TRPM3: variants seen among roughly 807,000 people sequenced by gnomAD.
The protein encoded by TRPM3 is transient receptor potential cation channel subfamily M member 3.
A neutral mutation model predicts 181.2 loss-of-function variants in TRPM3; 77 were observed. The observed-to-expected ratio is 0.42, with a 90% CI of 0.35 to 0.51. The LOEUF (loss-of-function observed/expected upper bound fraction) is 0.51. Ranked by LOEUF, TRPM3 falls within the 20% of genes least tolerant of loss-of-function variation. The pLI is 0.01. For missense variants in TRPM3, 1,759 were observed against 2,196.7 expected (o/e 0.80, Z 3.98); for synonymous variants, 745 against 796.4 (o/e 0.94, Z 1.09).
At position 71,238,163 on chromosome 9, in the gene TRPM3, A is replaced by G. The variant is rs1038194002; in HGVS notation, c.183+208490T>C. Among the ~76,000 whole-genome samples the G allele has an allele frequency of 2.6e-5, 4 of 152,254 alleles. No individual in the cohort carries two copies. The East Asian group carries it at 7.7e-4, about 29-fold the overall frequency. ...TTTTTTTTCTATGAAAAAACGCAGC[A>G]TTATTAAATTATTAGGACATCCATT... On this transcript the variant is annotated intron_variant, in intron 1 of 24. Transcript: ENST00000357533.
chr9:71,416,152 G>T (rs1173995715), intron 1 of TRPM3, among the ~76,000 whole-genome samples: 1 of 151,702 alleles, frequency 6.6e-6, no homozygotes, highest in African/African-American at 2.4e-5. Context: ...CATCATTTGG[G>T]ATTTGGCACC....
chr9:70,891,519 G>GT lies in TRPM3; in HGVS notation c.178-27009dup, dbSNP rs538562073. Among the ~76,000 whole-genome samples, 831 of 152,252 alleles carry GT rather than the reference G, an allele frequency of 5.5e-3. 5 individuals carry two copies. The highest frequency in any genetic ancestry group is 8.5e-3 in the Non-Finnish European group (576 of 68,008). ...TGAGAAGTGTCAGGCAAGGGACCCT[G>GT]TTTTTTGTGTGAAAGTCCTCGTAGC... On this transcript the variant is annotated intron_variant, in intron 1 of 25. Coordinates refer to ENST00000677713, the MANE Select transcript of TRPM3 (RefSeq NM_001366145.2).
chr9:71,197,047 A>G (rs945696222), intron 1 of TRPM3, among the ~76,000 whole-genome samples: 8 of 151,798 alleles, frequency 5.3e-5, no homozygotes, highest in Admixed American at 5.3e-4. Flanking sequence ...GAGTCCCCAG[A>G]GTGTGATGTT....
chr9:71,139,551 T>A (rs990189122), intron 1 of TRPM3, among the ~76,000 whole-genome samples: 8 of 152,190 alleles, frequency 5.3e-5, no homozygotes, highest in African/African-American at 1.2e-4. Context: ...GTAATAAAAG[T>A]AATGTCTGAG....
At chr9:70,827,686 T>C (rs1358551177) in intron 6 of TRPM3, 161 bp downstream of exon 6, 5 of 788,504 alleles carry the variant, frequency 6.3e-6, no homozygotes, top group South Asian at 5.9e-5. Flanking sequence ...TGTTCTCCTC[T>C]GGATGGCTTC....
intron 1 of TRPM3, among the ~76,000 whole-genome samples, chr9:71,016,702 G>A (rs2097788173): frequency 1.3e-5 from 2 of 152,030 alleles, no homozygotes; most frequent in Admixed American, 6.6e-5. Context: ...TGGCTATTGT[G>A]AATAATATTG....
intron 1 of TRPM3, among the ~76,000 whole-genome samples, chr9:71,401,533 G>T (rs937267740): frequency 2.0e-5 from 3 of 152,194 alleles, no homozygotes; most frequent in Non-Finnish European, 4.4e-5. Flanking sequence ...AATGAGATTA[G>T]ATTTCAGAAT....
chr9:70,742,325 A>T (rs1350804904), intron 8 of TRPM3, among the ~76,000 whole-genome samples: 1 of 152,082 alleles, frequency 6.6e-6, no homozygotes, highest in Non-Finnish European at 1.5e-5. Flanking sequence ...ATAGATATAT[A>T]ACTACATATT....
intron 7 of TRPM3, among the ~76,000 whole-genome samples, chr9:70,768,552 C>T (rs1210970135): frequency 6.6e-6 from 1 of 151,900 alleles, no homozygotes; most frequent in African/African-American, 2.4e-5. Context: ...GATAAAGCAA[C>T]AGCAGCACCT....
chr9:70,937,268 A>C (rs562063171), intron 1 of TRPM3, among the ~76,000 whole-genome samples: 2 of 152,170 alleles, frequency 1.3e-5, no homozygotes, highest in Non-Finnish European at 2.9e-5. Flanking sequence ...GTTCCATTCT[A>C]TTCTCTAGTT....
chr9:71,155,017 A>C lies in TRPM3; in HGVS notation c.184-290506T>G, dbSNP rs77100757. 3.2e-4 allele frequency among the ~76,000 whole-genome samples: 49 copies of C among 152,312 alleles called. No homozygotes were observed. The East Asian group carries it at 9.1e-3, about 28-fold the overall frequency. ...AAAGATGTATTTGTATTGTCATATT[A>C]ATGGAAAACATAGTATTCTTCAGAA... On this transcript the variant is annotated intron_variant, in intron 1 of 24. Transcript: ENST00000357533.
chr9:71,292,449 G>T (rs749410976), intron 1 of TRPM3, among the ~76,000 whole-genome samples: 1 of 151,472 alleles, frequency 6.6e-6, no homozygotes, highest in Non-Finnish European at 1.5e-5. Flanking sequence ...ATAGAGGGAG[G>T]AATAAACAAT....
chr9:71,032,397 C>G (rs374612530), intron 1 of TRPM3, among the ~76,000 whole-genome samples: 152 of 150,822 alleles, frequency 1.0e-3, no homozygotes, highest in African/African-American at 2.8e-3. Flanking sequence ...CCAATTAACC[C>G]ACCTGAAAAT....
intron 1 of TRPM3, among the ~76,000 whole-genome samples, chr9:71,221,923 C>T (rs2080267707): frequency 6.6e-6 from 1 of 152,138 alleles, no homozygotes; most frequent in Non-Finnish European, 1.5e-5. Flanking sequence ...ATGTGTGTGC[C>T]CAGTCGTTTG....
chr9:70,763,602 C>A (rs1278884306), intron 7 of TRPM3, among the ~76,000 whole-genome samples: 1 of 152,168 alleles, frequency 6.6e-6, no homozygotes, highest in Non-Finnish European at 1.5e-5. Context: ...GTGGTCTTAG[C>A]TGTGGACCAG....
intron 1 of TRPM3, among the ~76,000 whole-genome samples, chr9:70,941,023 G>A (rs2096880846): frequency 6.6e-6 from 1 of 152,246 alleles, no homozygotes; most frequent in African/African-American, 2.4e-5. Context: ...AAATCACTGT[G>A]TGGTGTGGAG....
intron 1 of TRPM3, among the ~76,000 whole-genome samples, chr9:71,228,503 G>C (rs572559031): frequency 1.3e-5 from 2 of 152,126 alleles, no homozygotes; most frequent in African/African-American, 4.8e-5. Flanking sequence ...AGAAATAAAG[G>C]GTATCCAAAT....
intron 7 of TRPM3, among the ~76,000 whole-genome samples, chr9:70,773,048 C>A (rs1355104219): frequency 6.6e-6 from 1 of 152,170 alleles, no homozygotes; most frequent in Non-Finnish European, 1.5e-5. Context: ...TGGCCTCCTG[C>A]AATTGACTGG....
chr9:70,671,466 T>C (rs568945032), intron 9 of TRPM3, among the ~76,000 whole-genome samples: 210 of 152,252 alleles, frequency 1.4e-3, no homozygotes, highest in African/African-American at 4.9e-3. Context: ...AAATGTAATC[T>C]CTTCACAAAT....
Sources: gnomAD v4.1 joint callset for allele counts (sites outside exome capture counted in the v4.1 genomes callset) on GRCh38, gnomAD v4.1.1 for gene constraint, MANE v1.5 for transcripts, NCBI Gene and HGNC (gene_info 2026-07-23, HGNC 2026-07-21) for gene names.